NELL1: variants seen among roughly 807,000 people sequenced by gnomAD.
NELL1 encodes neural EGFL like 1, also known as protein kinase C-binding protein NELL1.
In NELL1, 76 loss-of-function variants were observed where a neutral mutation model predicts 107.4. The ratio of observed to expected loss-of-function variants is 0.71; its 90% CI spans 0.59 to 0.86. NELL1 has a LOEUF of 0.86. Ranked by LOEUF, NELL1 falls within the 40% of genes least tolerant of loss-of-function variation. The pLI, the probability that NELL1 is intolerant of heterozygous loss-of-function variation, is 0.00. For synonymous variants in NELL1, 353 were observed against 341.2 expected, an observed-to-expected ratio of 1.03 and a Z score of -0.38; for missense variants, 1,024 against 1,005.5, an observed-to-expected ratio of 1.02 and a Z score of -0.25.
At chr11:20,804,693 T>C (rs914954374) in intron 3 of NELL1, among the ~76,000 whole-genome samples, 1 of 152,252 alleles carries the variant, frequency 6.6e-6, no homozygotes, top group Admixed American at 6.5e-5. Context: ...ACTTGTTTTG[T>C]TGTCTGTTAT....
intron 15 of NELL1, among the ~76,000 whole-genome samples, chr11:21,478,936 A>G (rs1854420297): frequency 1.3e-5 from 2 of 152,178 alleles, no homozygotes; most frequent in Admixed American, 1.3e-4. Context: ...CAGGCATGTA[A>G]AAAGGTGCTC....
intron 14 of NELL1, among the ~76,000 whole-genome samples, chr11:21,248,627 T>C (rs1166670181): frequency 1.3e-5 from 2 of 152,090 alleles, no homozygotes; most frequent in Non-Finnish European, 2.9e-5. Flanking sequence ...ACAGCTCAAG[T>C]GGAGAATAGG....
intron 3 of NELL1, among the ~76,000 whole-genome samples, chr11:20,845,814 A>G (rs1848693581): frequency 6.6e-6 from 1 of 151,962 alleles, no homozygotes; most frequent in Non-Finnish European, 1.5e-5. Context: ...GGAGGGACAT[A>G]TTTTACTTCC....
intron 2 of NELL1, among the ~76,000 whole-genome samples, chr11:20,705,712 A>C (rs1389162975): frequency 2.0e-5 from 3 of 147,742 alleles, no homozygotes; most frequent in African/African-American, 7.6e-5. Flanking sequence ...AGAAACTACC[A>C]TCAGAGTGAA....
chr11:20,997,921 A>G (rs183460662), intron 12 of NELL1, among the ~76,000 whole-genome samples: 1 of 152,298 alleles, frequency 6.6e-6, no homozygotes, highest in Admixed American at 6.5e-5. Flanking sequence ...TCAGTGAGCC[A>G]TGATCACACC....
intron 15 of NELL1, among the ~76,000 whole-genome samples, chr11:21,428,490 T>C (rs1852887657): frequency 6.6e-6 from 1 of 152,206 alleles, no homozygotes; most frequent in African/African-American, 2.4e-5. Context: ...TGATACACAT[T>C]CCGGGGATAT....
intron 2 of NELL1, among the ~76,000 whole-genome samples, chr11:20,748,534 T>G (rs192211726): frequency 6.6e-6 from 1 of 152,254 alleles, no homozygotes; most frequent in Admixed American, 6.5e-5. Flanking sequence ...CAGTATGTAG[T>G]TTTTTTAATT....
At chr11:21,478,421 T>A (rs994822270) in intron 15 of NELL1, among the ~76,000 whole-genome samples, 6 of 152,164 alleles carry the variant, frequency 3.9e-5, no homozygotes, top group Non-Finnish European at 5.9e-5. Context: ...CACAAAGTCT[T>A]AACTTATTCC....
chr11:20,944,708 T>C, intron 10 of NELL1, among the ~76,000 whole-genome samples: 1 of 152,216 alleles, frequency 6.6e-6, no homozygotes, highest in Non-Finnish European at 1.5e-5. Context: ...TGCCTAATTA[T>C]GTAGCTGGAT....
In NELL1 at chr11:20,720,524, T is replaced by A. The variant is rs1457465112; in HGVS notation, c.184+42464T>A. Among the ~76,000 whole-genome samples the A allele has an allele frequency of 5.3e-5, 8 of 152,198 alleles. No homozygotes were observed. In the South Asian group the frequency reaches 1.7e-3, roughly 32 times the overall value. On this transcript the variant is annotated intron_variant, in intron 2 of 19. Coordinates refer to ENST00000357134, the MANE Select transcript of NELL1 (RefSeq NM_006157.5). ...GCCCAGCCTCTTTTCTGTTCTTATCTTGTATTAGTTTGCAAGGGCTGCTCT... is the reference window on the plus strand; with the variant it reads ...GCCCAGCCTCTTTTCTGTTCTTATCATGTATTAGTTTGCAAGGGCTGCTCT...
intron 12 of NELL1, among the ~76,000 whole-genome samples, chr11:21,049,898 G>A (rs547164917): frequency 2.6e-5 from 4 of 151,718 alleles, no homozygotes; most frequent in Admixed American, 6.6e-5. Flanking sequence ...GTCTGGTCCC[G>A]AACTCCTGAC....
chr11:20,740,469 A>T (rs944051339), intron 2 of NELL1, among the ~76,000 whole-genome samples: 3 of 152,168 alleles, frequency 2.0e-5, no homozygotes, highest in African/African-American at 7.2e-5. Flanking sequence ...AGAATCCTGA[A>T]GCTTTCTCAG....
chr11:21,506,288 A>T (rs1855276547), intron 15 of NELL1, among the ~76,000 whole-genome samples: 1 of 152,208 alleles, frequency 6.6e-6, no homozygotes, highest in Non-Finnish European at 1.5e-5. Context: ...GTCACAGTTC[A>T]GCTGCTGTTC....
In NELL1 at chr11:21,070,062, C is replaced by T. The variant is rs571507448; in HGVS notation, c.1301-43527C>T. On this transcript the variant is annotated intron_variant, in intron 12 of 19. Transcript: ENST00000357134. The stretch of plus-strand genomic sequence containing the variant: ...TTGGAGGGACAAAATAGTTTCCTTG[C>T]CTGAAATGACGGGTTTGCTCATCTC... Among the ~76,000 whole-genome samples the T allele has an allele frequency of 7.4e-4, 112 of 152,052 alleles. 1 individual carries two copies. The highest frequency in any genetic ancestry group is 1.5e-3 in the Non-Finnish European group (99 of 67,988).
intron 12 of NELL1, among the ~76,000 whole-genome samples, chr11:21,035,903 A>G (rs1853080326): frequency 6.6e-6 from 1 of 152,148 alleles, no homozygotes; most frequent in Non-Finnish European, 1.5e-5. Flanking sequence ...GGCAAGAGAA[A>G]GATATAAAAG....
intron 15 of NELL1, among the ~76,000 whole-genome samples, chr11:21,503,440 C>G (rs1284522304): frequency 6.6e-6 from 1 of 152,046 alleles, no homozygotes; most frequent in Admixed American, 6.6e-5. Context: ...ATAAAAGAAC[C>G]AAGAATTCTG....
At chr11:21,084,544 A>G (rs1370680250) in intron 12 of NELL1, among the ~76,000 whole-genome samples, 1 of 152,156 alleles carries the variant, frequency 6.6e-6, no homozygotes, top group East Asian at 1.9e-4. Flanking sequence ...CTCGCTCTCC[A>G]CATTACGATC....
intron 14 of NELL1, among the ~76,000 whole-genome samples, chr11:21,315,799 T>C (rs1230340137): frequency 1.3e-5 from 2 of 152,108 alleles, no homozygotes; most frequent in African/African-American, 4.8e-5. Flanking sequence ...TCCAAACATA[T>C]TGCAGAGCTT....
intron 2 of NELL1, among the ~76,000 whole-genome samples, chr11:20,775,437 G>A (rs1856731578): frequency 6.6e-6 from 1 of 151,986 alleles, no homozygotes; most frequent in African/African-American, 2.4e-5. Context: ...ATAGCTTCTT[G>A]ACTATATAAT....
Sources: gnomAD v4.1 joint callset for allele counts (sites outside exome capture counted in the v4.1 genomes callset) on GRCh38, gnomAD v4.1.1 for gene constraint, MANE v1.5 for transcripts, NCBI Gene and HGNC (gene_info 2026-07-23, HGNC 2026-07-21) for gene names.